Variants in MCM7 observed in about 807,000 individuals in gnomAD.
The protein encoded by MCM7 is minichromosome maintenance complex component 7.
A neutral mutation model predicts 83.5 loss-of-function variants in MCM7; 95 were observed. The observed-to-expected ratio is 1.14, with a 90% confidence interval of 0.96 to 1.35. MCM7 has a LOEUF of 1.35. MCM7 is among the 40% of genes most tolerant of loss of function. MCM7 has a pLI of 0.00. For synonymous variants in MCM7, 461 were observed against 352.7 expected, an observed-to-expected ratio of 1.31 and a Z score of -3.44; for missense variants, 1,087 against 957.4, an observed-to-expected ratio of 1.14 and a Z score of -1.79.
chr7:100,094,031 G>T, intron 13 of MCM7, 142 bp downstream of exon 13: 1 of 1,050,628 alleles, frequency 9.5e-7, no homozygotes, highest in Non-Finnish European at 1.5e-6. Context: ...CGGTAGCACG[G>T]AGAGGACCAC....
In MCM7 at chr7:100,095,950, G is replaced by A. The variant is rs1293987799; in HGVS notation, c.1419C>T (p.Gly473=). Residue 473 remains glycine, a synonymous_variant, in exon 11 of 15, where the codon GGC becomes GGT. Transcript: ENST00000303887. ...AGCGGGCATTGAGTGTGGTGAGAAT[G>A]CCGGCCTTGGCAATGGAGATGGTCT... ...EQQTISIAKA[G]ILTTLNARCS... 1.2e-6 allele frequency: 2 copies of A among 1,613,948 alleles called. No individual in the cohort carries two copies. The highest frequency in any genetic ancestry group is 1.7e-6 in the Non-Finnish European group (2 of 1,179,984).
chr7:100,099,263 G>C lies in MCM7; in HGVS notation c.401+16C>G, dbSNP rs751627248. The C allele has an allele frequency of 1.2e-6, 2 of 1,614,072 alleles. No individual in the cohort carries two copies. The highest frequency in any genetic ancestry group is 4.5e-5 in the East Asian group (2 of 44,888). ...GAGAACCAATCCCTACATCTTTCCC[G>C]ACAGAGACCACTCACAATCTGCGCA... On this transcript the variant is annotated intron_variant, in intron 4 of 14. Coordinates refer to ENST00000303887, the MANE Select transcript of MCM7 (RefSeq NM_005916.5).
chr7:100,095,307 C>T (rs756550917), intron 12 of MCM7, 80 bp downstream of exon 12: 365 of 1,258,462 alleles, frequency 2.9e-4, no homozygotes, highest in Non-Finnish European at 3.7e-4. Context: ...AAAACACACA[C>T]CCTAAGACTA....
At chr7:100,096,824 C>T (rs1410442300) in intron 10 of MCM7, among the ~76,000 whole-genome samples, 6 of 152,110 alleles carry the variant, frequency 3.9e-5, no homozygotes, top group African/African-American at 7.2e-5. Flanking sequence ...CTTTTTAGGC[C>T]GGGTGCGGTG....
At position 100,092,821 on chromosome 7, in the gene MCM7, C is replaced by T; in HGVS notation, c.*111G>A. The T allele has an allele frequency of 8.1e-6, 9 of 1,113,636 alleles. No homozygotes were observed. The highest frequency in any genetic ancestry group is 1.2e-5 in the Non-Finnish European group (9 of 747,592). The allele number at this position is 1,113,636 out of a possible 1,614,324, so 69.0% of individuals were successfully genotyped here. A position where few individuals can be genotyped will look rare whatever the true frequency, so the allele number is the denominator to read the frequency against. On this transcript the variant is annotated 3_prime_UTR_variant, in exon 15 of 15. Coordinates refer to ENST00000303887, the MANE Select transcript of MCM7 (RefSeq NM_005916.5). ...CTTTTATTAGCAAAAGGAGTAAGTGCAGCATGGGAGAAAGAGGGGCTCCTC... is the reference window on the plus strand; with the variant it reads ...CTTTTATTAGCAAAAGGAGTAAGTGTAGCATGGGAGAAAGAGGGGCTCCTC...
rs372366514 is a variant in MCM7, at chr7:100,094,211, G to C, written c.1810C>G (p.Arg604Gly). 6.2e-7 allele frequency: 1 copy of C among 1,614,172 alleles called. No homozygotes were observed. The highest frequency in any genetic ancestry group is 1.1e-5 in the South Asian group (1 of 91,082). The change falls in exon 13 of 15, where the codon CGG becomes GGG. Residue 604 changes from arginine (R) to glycine (G), a missense_variant. By Grantham distance (125) the Arg-to-Gly change is moderately radical. Transcript: ENST00000303887. ...ASKDATYTSARTLLAILRLST... is the reference protein window; with the variant it reads ...ASKDATYTSAGTLLAILRLST... The stretch of plus-strand genomic sequence containing the variant: ...AGGCGCAGGATAGCCAGCAGGGTCC[G>C]GGCAGAAGTATAGGTGGCATCCTTA...
intron 9 of MCM7, 71 bp downstream of exon 9, chr7:100,097,543 G>C: frequency 6.2e-7 from 1 of 1,606,798 alleles, no homozygotes; most frequent in Non-Finnish European, 8.5e-7. Context: ...TGACCTACAG[G>C]GACACTTGTC....
At position 100,100,109 on chromosome 7, in the gene MCM7, TA is replaced by T. The variant is rs778978965; in HGVS notation, c.32-17del. On this transcript the variant is annotated splice_polypyrimidine_tract_variant and intron_variant, in intron 1 of 14. Coordinates refer to ENST00000303887, the MANE Select transcript of MCM7 (RefSeq NM_005916.5). ...TTAACCTTTTCTGTAACATGAAATG[TA>T]AAACCGTAAGACACAAACTTTAAGA... is the stretch of plus-strand genomic sequence containing the variant. The T allele has an allele frequency of 9.3e-6, 15 of 1,613,302 alleles. No homozygotes were observed. Among genetic ancestry groups the T allele is most frequent in the Non-Finnish European group, 1.3e-5 (15 of 1,179,592 alleles).
intron 11 of MCM7, 48 bp from the exon 12 acceptor site, chr7:100,095,518 C>T (rs750133028): frequency 1.3e-6 from 2 of 1,562,150 alleles, no homozygotes; most frequent in African/African-American, 1.3e-5. Context: ...GGGCTACGCA[C>T]CCATGTCCTC....
At chr7:100,095,745 C>T (rs369502249) in intron 11 of MCM7, 29 bp downstream of exon 11, 12 of 1,540,556 alleles carry the variant, frequency 7.8e-6, no homozygotes, top group African/African-American at 2.7e-5. Flanking sequence ...TTACAGGGGA[C>T]CTCTCTTTGG....
rs1795794447 is a variant in MCM7, at chr7:100,099,065, G to A, written c.540C>T (p.Ala180=). The change falls in exon 5 of 15, where the codon GCC becomes GCT. Residue 180 remains alanine, a synonymous_variant. Coordinates refer to ENST00000303887, the MANE Select transcript of MCM7 (RefSeq NM_005916.5). ...CCCCACACTGGTCACAAGTGTAAGT[G>A]GCCACCACCATCTTGGGTTTGACTT... The part of the protein sequence containing the change: ...VSEVKPKMVV[A]TYTCDQCGAE... The A allele has an allele frequency of 4.3e-6, 7 of 1,614,118 alleles. No homozygotes were observed. In the East Asian group the frequency reaches 1.6e-4, roughly 36 times the overall value.
At chr7:100,093,542 C>A in intron 13 of MCM7, 141 bp from the exon 14 acceptor site, 1 of 823,354 alleles carries the variant, frequency 1.2e-6, no homozygotes, top group Non-Finnish European at 2.2e-6. Flanking sequence ...CCCCCTCCCC[C>A]CAGCATCCGC....
intron 2 of MCM7, 95 bp downstream of exon 2, chr7:100,099,919 C>CT (rs1795865316): frequency 6.9e-7 from 1 of 1,440,004 alleles, no homozygotes; most frequent in Non-Finnish European, 9.7e-7. Flanking sequence ...CTCAAACCCT[C>CT]TAATTGTTAT....
chr7:100,098,013 A>G (rs908029700), intron 7 of MCM7, 65 bp from the exon 8 acceptor site: 26 of 1,585,570 alleles, frequency 1.6e-5, no homozygotes, highest in Non-Finnish European at 2.2e-5. Context: ...TGGATTCCCT[A>G]ACAATTTCTT....
rs1453416438 is a variant in MCM7 at position 100,097,662 on chromosome 7, G to A, written c.1069C>T (p.Leu357=). 6.2e-7 allele frequency: 1 copy of A among 1,614,182 alleles called. No homozygotes were observed. Among genetic ancestry groups the A allele is most frequent in the Admixed American group, 1.7e-5 (1 of 60,020 alleles). Residue 357 remains leucine, a synonymous_variant, in exon 9 of 15, where the codon CTG becomes TTG. Transcript: ENST00000303887. The part of the protein sequence containing the change: ...HEDVKKALLL[L]LVGGVDQSPR... The stretch of plus-strand genomic sequence containing the variant: ...GACTGGTCCACACCCCCGACTAGCA[G>A]GAGCAGCAGTGCCTTCTTCACATCT...
At chr7:100,096,428 A>C (rs1462262018) in intron 10 of MCM7, among the ~76,000 whole-genome samples, 2 of 152,164 alleles carry the variant, frequency 1.3e-5, no homozygotes, top group Non-Finnish European at 2.9e-5. Context: ...CAGCCTCCCA[A>C]GTAACTGAGA....
At chr7:100,093,533 C>T (rs1031579552) in intron 13 of MCM7, 132 bp from the exon 14 acceptor site, 2 of 844,976 alleles carry the variant, frequency 2.4e-6, no homozygotes, top group South Asian at 1.3e-5. Flanking sequence ...AGTGGAATCC[C>T]CCCTCCCCCC....
chr7:100,095,367 C>A lies in MCM7; in HGVS notation c.1679+20G>T. On this transcript the variant is annotated intron_variant, in intron 12 of 14. Coordinates refer to ENST00000303887, the MANE Select transcript of MCM7 (RefSeq NM_005916.5). ...CACGGCCCACGCCAACGTTTGCCCA[C>A]CCGCACCCAGCTCTCCTACCTCATG... 6.2e-7 allele frequency: 1 copy of A among 1,606,384 alleles called. No individual in the cohort carries two copies. Among genetic ancestry groups the A allele is most frequent in the Non-Finnish European group, 8.5e-7 (1 of 1,176,764 alleles).
chr7:100,095,439 G>A lies in MCM7; in HGVS notation c.1627C>T (p.His543Tyr), dbSNP rs922254246. ...AACTGGGAGGGGGGCTGCCGGCTGT[G>A]CTGGTGCACATAGGTGATGTGCTGG... ...LAQHITYVHQ[H>Y]SRQPPSQFEP... Residue 543 changes from histidine to tyrosine, a missense_variant, in exon 12 of 15, where the codon CAC becomes TAC. Coordinates refer to ENST00000303887, the MANE Select transcript of MCM7 (RefSeq NM_005916.5). 3.1e-6 allele frequency: 5 copies of A among 1,614,138 alleles called. No homozygotes were observed. The highest frequency in any genetic ancestry group is 1.7e-5 in the Admixed American group (1 of 60,010).
Sources: allele counts gnomAD v4.1 joint callset (sites outside exome capture counted in the v4.1 genomes callset), GRCh38; gene constraint gnomAD v4.1.1; transcripts MANE v1.5; gene names NCBI Gene and HGNC (gene_info 2026-07-23, HGNC 2026-07-21).